Variants in CCDC7 observed in about 807,000 individuals in gnomAD.
CCDC7 encodes coiled-coil domain-containing protein 7.
CCDC7 carries 183 observed loss-of-function variants against 196.9 expected under a neutral mutation model. The observed-to-expected ratio is 0.93, with a 90% confidence interval of 0.82 to 1.05. CCDC7 has a LOEUF of 1.05. Among genes scored for constraint, CCDC7 ranks in the 50% least tolerant of loss-of-function variants. The pLI is 0.00. For synonymous variants in CCDC7, 525 were observed against 484.6 expected (o/e 1.08, Z -1.10); for missense variants, 1,540 against 1,482.2 (o/e 1.04, Z -0.64).
intron 13 of CCDC7, among the ~76,000 whole-genome samples, chr10:32,545,238 C>T (rs752610262): frequency 6.6e-6 from 1 of 152,108 alleles, no homozygotes; most frequent in Non-Finnish European, 1.5e-5. Flanking sequence ...GGAAAGAGGA[C>T]AACAATGTAA....
exon 6 of CCDC7, chr10:32,471,161 T>C: frequency 6.2e-7 from 1 of 1,612,920 alleles, no homozygotes; most frequent in East Asian, 2.2e-5. Flanking sequence ...GTACAAAGAT[T>C]TGAAGAACTG....
Position 32,726,857 on chromosome 10 carries a change from T to C in CCDC7, c.2668+25T>C, listed in dbSNP as rs199812670. 4 of 1,240,008 alleles carry C rather than the reference T, an allele frequency of 3.2e-6. No individual in the cohort carries two copies. In the Admixed American group the frequency reaches 8.7e-5, roughly 27 times the overall value. The allele number at this position is 1,240,008 out of a possible 1,614,324, so 76.8% of individuals were successfully genotyped here. Reference sequence around the variant, plus strand: ...AGTAAGTGTAGTAATTATAGATGACTTTAAATTATTTTAAAATTAAACTTA... The same window carrying C: ...AGTAAGTGTAGTAATTATAGATGACCTTAAATTATTTTAAAATTAAACTTA... On this transcript the variant is annotated intron_variant, in intron 26 of 41. Transcript: ENST00000639629.
intron 18 of CCDC7, among the ~76,000 whole-genome samples, chr10:32,602,520 A>T (rs1285220174): frequency 6.6e-6 from 1 of 152,152 alleles, no homozygotes; most frequent in South Asian, 2.1e-4. Flanking sequence ...CATTTTTCTG[A>T]CATCACTATG....
At chr10:32,758,131 C>T (rs1281352122) in intron 28 of CCDC7, among the ~76,000 whole-genome samples, 1 of 152,082 alleles carries the variant, frequency 6.6e-6, no homozygotes, top group East Asian at 1.9e-4. Context: ...CAAAAAAAGT[C>T]CAGGACCAGA....
chr10:32,524,051 C>T (rs1303525292), intron 11 of CCDC7, among the ~76,000 whole-genome samples: 1 of 140,824 alleles, frequency 7.1e-6, no homozygotes, highest in Non-Finnish European at 1.5e-5. Context: ...GTTTTACAGC[C>T]TTATCTTTCT....
At chr10:32,746,553 G>A (rs2074772071) in intron 28 of CCDC7, among the ~76,000 whole-genome samples, 1 of 152,196 alleles carries the variant, frequency 6.6e-6, no homozygotes, top group Admixed American at 6.5e-5. Context: ...GGACAAAGCA[G>A]AGCTGTCAGT....
At chr10:32,568,026 G>A in intron 15 of CCDC7, 135 bp downstream of exon 16, 1 of 618,944 alleles carries the variant, frequency 1.6e-6, no homozygotes, top group Non-Finnish European at 2.2e-6. Context: ...TTTTTTTTTT[G>A]AGATGGAGTC....
intron 28 of CCDC7, among the ~76,000 whole-genome samples, chr10:32,760,939 T>A (rs924311450): frequency 5.9e-5 from 9 of 151,974 alleles, no homozygotes; most frequent in Non-Finnish European, 1.3e-4. Context: ...TCAGCTGAAC[T>A]ATGAGAGAAG....
intron 41 of CCDC7, among the ~76,000 whole-genome samples, chr10:32,871,228 C>T (rs1182284479): frequency 6.6e-6 from 1 of 151,998 alleles, no homozygotes; most frequent in Non-Finnish European, 1.5e-5. Context: ...TCCATCGGGT[C>T]CTGGACTTTT....
chr10:32,574,597 GT>G, intron 16 of CCDC7: 1 of 795,434 alleles, frequency 1.3e-6, no homozygotes, highest in Admixed American at 4.5e-5. Flanking sequence ...TAGGGAATGA[GT>G]TAGTGGTAAA....
chr10:32,804,733 G>A (rs1035731885), intron 29 of CCDC7, among the ~76,000 whole-genome samples: 4 of 152,012 alleles, frequency 2.6e-5, no homozygotes, highest in African/African-American at 9.7e-5. Context: ...AAGTATTGTG[G>A]GGCATCAGGT....
At chr10:32,447,563 T>G (rs1249491052), upstream of CCDC7, among the ~76,000 whole-genome samples, 1 of 152,180 alleles carries the variant, frequency 6.6e-6, no homozygotes, top group African/African-American at 2.4e-5. Context: ...GCTTGTATCA[T>G]TAATTTTTAC....
chr10:32,475,564 G>A (rs1040378198), intron 8 of CCDC7, among the ~76,000 whole-genome samples: 2 of 152,168 alleles, frequency 1.3e-5, no homozygotes, highest in African/African-American at 4.8e-5. Flanking sequence ...GGGGAACAGA[G>A]GACAGAATTA....
At chr10:32,717,511 A>G (rs2081785943) in intron 25 of CCDC7, among the ~76,000 whole-genome samples, 2 of 152,318 alleles carry the variant, frequency 1.3e-5, no homozygotes, top group South Asian at 4.1e-4. Context: ...TGCAGAAGGC[A>G]AGAAATAACT....
chr10:32,560,330 A>T (rs1037906841), intron 13 of CCDC7, among the ~76,000 whole-genome samples: 5 of 152,196 alleles, frequency 3.3e-5, no homozygotes, highest in Non-Finnish European at 5.9e-5. Flanking sequence ...AACGCCACAA[A>T]GATACTCCTC....
chr10:32,562,277 G>A (rs1457654952), intron 13 of CCDC7, among the ~76,000 whole-genome samples: 1 of 152,158 alleles, frequency 6.6e-6, no homozygotes, highest in Non-Finnish European at 1.5e-5. Context: ...TAGAAAAAGA[G>A]GGAATCCTCC....
At chr10:32,643,584 C>T (rs983247351) in intron 20 of CCDC7, among the ~76,000 whole-genome samples, 11 of 151,756 alleles carry the variant, frequency 7.2e-5, no homozygotes, top group African/African-American at 2.7e-4. Flanking sequence ...GTTTACTTCT[C>T]TTTAATTTAT....
intron 11 of CCDC7, among the ~76,000 whole-genome samples, chr10:32,532,434 A>T (rs1249347119): frequency 1.3e-5 from 2 of 152,156 alleles, no homozygotes; most frequent in East Asian, 3.8e-4. Flanking sequence ...ATTTGTTAAG[A>T]TTTGTTTGGT....
intron 29 of CCDC7, among the ~76,000 whole-genome samples, chr10:32,804,310 T>C (rs1411206915): frequency 1.3e-5 from 2 of 152,166 alleles, no homozygotes; most frequent in African/African-American, 4.8e-5. Context: ...AAGAGTCAAA[T>C]TGTGTAAAAA....
Sources: gnomAD v4.1 joint callset for allele counts (sites outside exome capture counted in the v4.1 genomes callset) on GRCh38, gnomAD v4.1.1 for gene constraint, MANE v1.5 for transcripts, NCBI Gene and HGNC (gene_info 2026-07-23, HGNC 2026-07-21) for gene names.